Variants in IGF2 observed in about 807,000 individuals in gnomAD.
IGF2 encodes insulin like growth factor 2, also known as insulin-like growth factor 2.
IGF2 carries 2 observed loss-of-function variants against 12.0 expected under a neutral mutation model. That is an observed-to-expected ratio of 0.17 (90% CI 0.07 to 0.52). The LOEUF (loss-of-function observed/expected upper bound fraction) is 0.52. IGF2 is among the 20% of genes least tolerant of loss of function. The probability of loss-of-function intolerance (pLI) is 0.95; values close to 1 mark genes in which losing one functional copy is unlikely to be tolerated. For missense variants in IGF2, 211 were observed against 268.0 expected, an observed-to-expected ratio of 0.79 and a Z score of 1.48; for synonymous variants, 105 against 110.1, an observed-to-expected ratio of 0.95 and a Z score of 0.29.
chr11:2,133,273 C>A lies in IGF2; in HGVS notation c.307-50G>T, dbSNP rs757911184. The A allele has an allele frequency of 1.5e-6, 2 of 1,298,048 alleles. No homozygotes were observed. The highest frequency in any genetic ancestry group is 2.9e-5 in the South Asian group (2 of 68,956). 80.4% of individuals were successfully genotyped at this position (1,298,048 alleles called of 1,614,324 possible). On this transcript the variant is annotated intron_variant, in intron 3 of 3. Coordinates refer to ENST00000416167, the MANE Select transcript of IGF2 (RefSeq NM_000612.6). This position sits in a 1 kb window ranked among gnomAD's most constrained non-coding sequence, Gnocchi z 8.9. ...CAGGTGCCTGCTCTCCACGCTCTTC[C>A]GCCTGAGCCGCCCGCCTGACCTGAC...
chr11:2,140,546 C>T (rs958202144), upstream of IGF2: 4 of 504,356 alleles, frequency 7.9e-6, no homozygotes, highest in African/African-American at 4.1e-5. Flanking sequence ...CTTTACCGCC[C>T]GGCGGGAGCG....
the IGF2 span, chr11:2,148,161 G>T: frequency 1.4e-5 from 3 of 220,950 alleles, no homozygotes; most frequent in South Asian, 5.5e-4. This position sits in a 1 kb window ranked among gnomAD's most constrained non-coding sequence, Gnocchi z 4.3. Context: ...GCCTTGAGGG[G>T]TCATGGCACG....
the IGF2 span, chr11:2,147,672 G>T: frequency 8.0e-7 from 1 of 1,250,608 alleles, no homozygotes; most frequent in East Asian, 3.0e-5. This position sits in a 1 kb window ranked among gnomAD's most constrained non-coding sequence, Gnocchi z 7.2. Flanking sequence ...CCTCAGGACT[G>T]GGCTCTCTGG....
intron 2 of IGF2, chr11:2,134,170 T>A (rs1299189817): frequency 4.0e-6 from 2 of 505,942 alleles, no homozygotes; most frequent in Non-Finnish European, 8.0e-6. Context: ...TGAGGAGGCG[T>A]GATGGAACCA....
chr11:2,135,371 G>A lies in IGF2; in HGVS notation c.153C>T (p.Tyr51=), dbSNP rs753561980. 1 of 1,610,746 alleles carries A rather than the reference G, an allele frequency of 6.2e-7. No homozygotes were observed. Among genetic ancestry groups the A allele is most frequent in the South Asian group, 1.1e-5 (1 of 90,670 alleles). The change falls in exon 2 of 4, where the codon TAC becomes TAT. Residue 51 remains tyrosine (Y), a synonymous_variant. Transcript: ENST00000416167. ...LQFVCGDRGF[Y]FSRPASRVSR... ...AAGCCCCTCCCAGCTACTTACTGAA[G>A]TAGAAGCCGCGGTCCCCACAGACGA... is the stretch of plus-strand genomic sequence containing the variant.
chr11:2,135,876 C>A (rs969433624), intron 1 of IGF2, among the ~76,000 whole-genome samples: 1 of 152,308 alleles, frequency 6.6e-6, no homozygotes, highest in East Asian at 1.9e-4. Context: ...GCTGGACACC[C>A]GACCTGGCCT....
chr11:2,136,924 G>T (rs572880470), intron 1 of IGF2, among the ~76,000 whole-genome samples: 1 of 152,266 alleles, frequency 6.6e-6, no homozygotes. Context: ...GCAGCGGTGC[G>T]GAGCAGGTGA....
chr11:2,133,381 C>A lies in IGF2; in HGVS notation c.306+136G>T. 1 of 1,102,792 alleles carries A rather than the reference C, an allele frequency of 9.1e-7. No homozygotes were observed. The highest frequency in any genetic ancestry group is 1.6e-5 in the South Asian group (1 of 61,000). 68.3% of individuals were successfully genotyped at this position (1,102,792 alleles called of 1,614,324 possible). On this transcript the variant is annotated intron_variant, in intron 3 of 3. Coordinates refer to ENST00000416167, the MANE Select transcript of IGF2 (RefSeq NM_000612.6). This position sits in a 1 kb window ranked among gnomAD's most constrained non-coding sequence, Gnocchi z 8.9. ...AAGGAGCCAGCGTCTGAGCTGCTCC[C>A]GGGCCACACAGCAAGCAAGGAAGTC...
intron 1 of IGF2, chr11:2,137,210 C>G (rs1402559735): frequency 2.7e-5 from 27 of 992,846 alleles, no homozygotes; most frequent in Non-Finnish European, 3.1e-5. Context: ...AGAAGGCTCG[C>G]TGGGGCAGGA....
chr11:2,137,163 G>T (rs962163492), intron 1 of IGF2: 3 of 899,900 alleles, frequency 3.3e-6, no homozygotes, highest in Non-Finnish European at 4.0e-6. Flanking sequence ...GGCAGCGGGG[G>T]TCCTCACTCC....
rs1858748905 is a variant in IGF2 at position 2,133,293 on chromosome 11, C to T, written c.307-70G>A. 1.7e-6 allele frequency: 2 copies of T among 1,160,804 alleles called. No individual in the cohort carries two copies. Among genetic ancestry groups the T allele is most frequent in the Non-Finnish European group, 2.4e-6 (2 of 825,334 alleles). The allele number at this position is 1,160,804 out of a possible 1,614,324, so 71.9% of individuals were successfully genotyped here. A position where few individuals can be genotyped will look rare whatever the true frequency, so the allele number is the denominator to read the frequency against. ...TCTTCCGCCTGAGCCGCCCGCCTGA[C>T]CTGACAGGCCACCCCTGTGACTGAT... is the stretch of plus-strand genomic sequence containing the variant. On this transcript the variant is annotated intron_variant, in intron 3 of 3. Transcript: ENST00000416167. The surrounding 1 kb of genome is among the most constrained non-coding windows in gnomAD (Gnocchi z 8.9).
At chr11:2,145,758 GC>G (rs1859886010), upstream of IGF2, among the ~76,000 whole-genome samples, 1 of 152,148 alleles carries the variant, frequency 6.6e-6, no homozygotes, top group Non-Finnish European at 1.5e-5. Flanking sequence ...TCGTGGGGCT[GC>G]CTGCTGAGTG....
chr11:2,136,592 G>A (rs979001697), intron 1 of IGF2, among the ~76,000 whole-genome samples: 3 of 152,258 alleles, frequency 2.0e-5, no homozygotes, highest in Admixed American at 1.3e-4. Flanking sequence ...CCCAGCCTTC[G>A]CTCCGCAGAC....
rs1858433002 is a variant in IGF2 at position 2,130,147 on chromosome 11, C to T, written c.*2840G>A. The T allele has an allele frequency of 4.3e-6, 1 of 230,674 alleles. No individual in the cohort carries two copies. Among genetic ancestry groups the T allele is most frequent in the Non-Finnish European group, 8.6e-6 (1 of 116,610 alleles). 14.3% of individuals were successfully genotyped at this position (230,674 alleles called of 1,614,324 possible). A position where few individuals can be genotyped will look rare whatever the true frequency, so the allele number is the denominator to read the frequency against. Reference sequence around the variant, plus strand: ...CCACCCTGCCCCAGCCTGATGGAACCCTCTGTTTACACACCTGCTAGCCCC... The same window carrying T: ...CCACCCTGCCCCAGCCTGATGGAACTCTCTGTTTACACACCTGCTAGCCCC... On this transcript the variant is annotated 3_prime_UTR_variant, in exon 4 of 4. Transcript: ENST00000416167.
At chr11:2,147,876 C>A in the IGF2 span, 2 of 1,145,108 alleles carry the variant, frequency 1.7e-6, no homozygotes, top group Non-Finnish European at 2.2e-6. This position sits in a 1 kb window ranked among gnomAD's most constrained non-coding sequence, Gnocchi z 7.2. Context: ...CCCCATACAC[C>A]CCAAGCCTGA....
chr11:2,133,377 C>T lies in IGF2; in HGVS notation c.306+140G>A. 9.3e-7 allele frequency: 1 copy of T among 1,080,170 alleles called. No homozygotes were observed. The highest frequency in any genetic ancestry group is 1.3e-6 in the Non-Finnish European group (1 of 760,728). 66.9% of individuals were successfully genotyped at this position (1,080,170 alleles called of 1,614,324 possible). A position where few individuals can be genotyped will look rare whatever the true frequency, so the allele number is the denominator to read the frequency against. On this transcript the variant is annotated intron_variant, in intron 3 of 3. Coordinates refer to ENST00000416167, the MANE Select transcript of IGF2 (RefSeq NM_000612.6). The surrounding 1 kb of genome is among the most constrained non-coding windows in gnomAD (Gnocchi z 8.9). ...ACAGAAGGAGCCAGCGTCTGAGCTG[C>T]TCCCGGGCCACACAGCAAGCAAGGA...
At chr11:2,144,033 C>T (rs1320824147), upstream of IGF2, among the ~76,000 whole-genome samples, 3 of 152,116 alleles carry the variant, frequency 2.0e-5, no homozygotes, top group Middle Eastern at 3.2e-3. Flanking sequence ...CTGGCGCGCA[C>T]GGCCGGCTGA....
At chr11:2,146,368 G>T in the IGF2 span, 2 of 535,300 alleles carry the variant, frequency 3.7e-6, no homozygotes, top group East Asian at 5.4e-5. Flanking sequence ...CGCCGCAGAC[G>T]AGGCGCTGAC....
Position 2,138,490 on chromosome 11 carries a change from GA to G in IGF2, c.-269del. On this transcript the variant is annotated 5_prime_UTR_variant, in exon 1 of 4. Transcript: ENST00000416167. Reference sequence around the variant, plus strand: ...CTTTTCGGGGGGGAAAAGGTATCGGGAAATGAGGTCAGCTGTTGTATCAAGG... The same window carrying G: ...CTTTTCGGGGGGGAAAAGGTATCGGGAATGAGGTCAGCTGTTGTATCAAGG... 1.1e-6 allele frequency: 1 copy of G among 935,832 alleles called. No homozygotes were observed. Among genetic ancestry groups the G allele is most frequent in the Non-Finnish European group, 1.3e-6 (1 of 791,106 alleles). 58.0% of individuals were successfully genotyped at this position (935,832 alleles called of 1,614,324 possible). A position where few individuals can be genotyped will look rare whatever the true frequency, so the allele number is the denominator to read the frequency against.
Sources: allele counts gnomAD v4.1 joint callset (sites outside exome capture counted in the v4.1 genomes callset), GRCh38; gene constraint gnomAD v4.1.1; non-coding constraint Gnocchi (gnomAD v3.1); transcripts MANE v1.5; gene names NCBI Gene and HGNC (gene_info 2026-07-23, HGNC 2026-07-21).